ENOX1: variants seen among roughly 807,000 people sequenced by gnomAD.
ENOX1 encodes the protein ecto-NOX disulfide-thiol exchanger 1, also known as candidate growth-related and time keeping constitutive hydroquinone (NADH) oxidase.
In ENOX1, 42 loss-of-function variants were observed where a neutral mutation model predicts 82.5. That is an observed-to-expected ratio of 0.51 (90% confidence interval 0.40 to 0.66). The LOEUF (loss-of-function observed/expected upper bound fraction) is 0.66. Among genes scored for constraint, ENOX1 ranks in the 30% least tolerant of loss-of-function variants. The pLI, the probability that ENOX1 is intolerant of heterozygous loss-of-function variation, is 0.00. For missense variants in ENOX1, 608 were observed against 811.6 expected (o/e 0.75, Z 3.05); for synonymous variants, 271 against 282.2 (o/e 0.96, Z 0.40).
intron 1 of ENOX1, among the ~76,000 whole-genome samples, chr13:43,724,331 G>A (rs921478140): frequency 7.2e-5 from 11 of 152,174 alleles, no homozygotes; most frequent in Non-Finnish European, 2.9e-5. Context: ...GTTCAAGCAG[G>A]CCTGGTCTGT....
chr13:43,349,265 A>G (rs2049606800), intron 8 of ENOX1, among the ~76,000 whole-genome samples: 2 of 152,228 alleles, frequency 1.3e-5, no homozygotes, highest in South Asian at 4.1e-4. Context: ...TGGCAATGAA[A>G]GTTAAGAGTG....
rs114960147 is a variant in ENOX1, at chr13:43,327,829, C to T, written c.1037-1304G>A. Reference sequence around the variant, plus strand: ...TGGAGCAGAAGGAAAAAAGCAGATTCCATTCACTTACAATATCGTGAATAC... The same window carrying T: ...TGGAGCAGAAGGAAAAAAGCAGATTTCATTCACTTACAATATCGTGAATAC... On this transcript the variant is annotated intron_variant, in intron 9 of 16. Transcript: ENST00000690772. Among the ~76,000 whole-genome samples, 368 of 152,308 alleles carry T rather than the reference C, an allele frequency of 2.4e-3. 3 individuals carry two copies. The highest frequency in any genetic ancestry group is 8.2e-3 in the African/African-American group (341 of 41,568).
chr13:43,633,160 A>G (rs1467907853), intron 2 of ENOX1, among the ~76,000 whole-genome samples: 1 of 152,192 alleles, frequency 6.6e-6, no homozygotes, highest in Non-Finnish European at 1.5e-5. Context: ...AAAGATGTAA[A>G]AAGGCATTCA....
chr13:43,527,672 C>T (rs1482832109), intron 2 of ENOX1, among the ~76,000 whole-genome samples: 1 of 151,898 alleles, frequency 6.6e-6, no homozygotes, highest in Non-Finnish European at 1.5e-5. Flanking sequence ...ATGCATCTTA[C>T]AAGAAGAAAA....
chr13:43,349,255 T>C (rs542066578), intron 8 of ENOX1, among the ~76,000 whole-genome samples: 5 of 152,310 alleles, frequency 3.3e-5, no homozygotes, highest in East Asian at 1.9e-4. Context: ...TCATTATCAC[T>C]GGCAATGAAA....
chr13:43,670,202 T>C (rs1361284286), intron 1 of ENOX1, among the ~76,000 whole-genome samples: 1 of 152,142 alleles, frequency 6.6e-6, no homozygotes, highest in Non-Finnish European at 1.5e-5. Context: ...TTAATAAATA[T>C]ATGAAGATTA....
At chr13:43,351,209 C>T (rs2049760829) in intron 8 of ENOX1, among the ~76,000 whole-genome samples, 1 of 152,102 alleles carries the variant, frequency 6.6e-6, no homozygotes. Context: ...CTCAATTAAC[C>T]CCGCATCAAC....
intron 1 of ENOX1, among the ~76,000 whole-genome samples, chr13:43,693,902 T>C (rs2086500317): frequency 6.6e-6 from 1 of 152,164 alleles, no homozygotes; most frequent in Non-Finnish European, 1.5e-5. Flanking sequence ...TACCCAATAT[T>C]AGTTCAAGTC....
chr13:43,326,053 T>C (rs1358728531), intron 10 of ENOX1, among the ~76,000 whole-genome samples: 1 of 152,080 alleles, frequency 6.6e-6, no homozygotes, highest in Non-Finnish European at 1.5e-5. Context: ...ACTGTCATCA[T>C]CACGTAGAAC....
chr13:43,353,310 C>T (rs1338200976), intron 8 of ENOX1, among the ~76,000 whole-genome samples: 2 of 152,050 alleles, frequency 1.3e-5, no homozygotes, highest in East Asian at 1.9e-4. Flanking sequence ...TTGGTTTGTA[C>T]AGATTTTGCT....
chr13:43,266,703 A>G (rs908530482), intron 13 of ENOX1, among the ~76,000 whole-genome samples: 12 of 152,172 alleles, frequency 7.9e-5, no homozygotes, highest in Non-Finnish European at 1.6e-4. Flanking sequence ...AATACTGTCT[A>G]TTATCACAGG....
intron 6 of ENOX1, among the ~76,000 whole-genome samples, chr13:43,360,295 A>G (rs574535389): frequency 2.6e-3 from 392 of 152,362 alleles, no homozygotes; most frequent in African/African-American, 9.2e-3. Flanking sequence ...GTCCATGAAC[A>G]AAGATAAAGC....
chr13:43,756,138 A>T (rs1033830805), intron 1 of ENOX1, among the ~76,000 whole-genome samples: 2 of 152,164 alleles, frequency 1.3e-5, no homozygotes, highest in Non-Finnish European at 2.9e-5. Flanking sequence ...CAGAGGTCCA[A>T]AGAAAAAGGC....
At chr13:43,700,053 T>C (rs1169063978) in intron 1 of ENOX1, among the ~76,000 whole-genome samples, 1 of 152,196 alleles carries the variant, frequency 6.6e-6, no homozygotes, top group East Asian at 1.9e-4. Context: ...TCTATCCAAA[T>C]GTATTTTTGT....
intron 12 of ENOX1, among the ~76,000 whole-genome samples, chr13:43,283,327 T>G (rs2045509002): frequency 6.6e-6 from 1 of 152,166 alleles, no homozygotes; most frequent in Non-Finnish European, 1.5e-5. Flanking sequence ...CCAAAGATTT[T>G]CCATTTTATT....
At chr13:43,755,633 A>G (rs1004495298) in intron 1 of ENOX1, among the ~76,000 whole-genome samples, 1 of 152,232 alleles carries the variant, frequency 6.6e-6, no homozygotes, top group Admixed American at 6.5e-5. Flanking sequence ...ATCATCATTA[A>G]ATCTAGTACT....
At chr13:43,597,473 T>C (rs1594024004) in intron 2 of ENOX1, among the ~76,000 whole-genome samples, 1 of 152,148 alleles carries the variant, frequency 6.6e-6, no homozygotes, top group Non-Finnish European at 1.5e-5. Context: ...ACACAATACA[T>C]CCAATCCATC....
chr13:43,250,355 G>A (rs2043382077), intron 14 of ENOX1, among the ~76,000 whole-genome samples: 1 of 152,142 alleles, frequency 6.6e-6, no homozygotes, highest in African/African-American at 2.4e-5. Flanking sequence ...TTTCAGTTGT[G>A]TGCCCTCTCT....
chr13:43,381,494 A>AAAAGAGT (rs1396850032), intron 5 of ENOX1, among the ~76,000 whole-genome samples: 1 of 151,012 alleles, frequency 6.6e-6, no homozygotes, highest in East Asian at 1.9e-4. Flanking sequence ...CCTTAAAAAA[A>AAAAGAGT]AAAGAGCAAA....
Sources: gnomAD v4.1 joint callset for allele counts (sites outside exome capture counted in the v4.1 genomes callset) on GRCh38, gnomAD v4.1.1 for gene constraint, MANE v1.5 for transcripts, NCBI Gene and HGNC (gene_info 2026-07-23, HGNC 2026-07-21) for gene names.